Variants in BARX2 observed in about 807,000 individuals in gnomAD.
BARX2 encodes homeobox protein BarH-like 2.
A neutral mutation model predicts 25.5 loss-of-function variants in BARX2; 11 were observed. The ratio of observed to expected loss-of-function variants is 0.43; its 90% CI spans 0.27 to 0.71. The LOEUF is 0.71. Ranked by LOEUF, BARX2 falls within the 30% of genes least tolerant of loss-of-function variation. The probability of loss-of-function intolerance (pLI) is 0.19; values close to 1 mark genes in which losing one functional copy is unlikely to be tolerated. For missense variants in BARX2, 360 were observed against 359.9 expected (o/e 1.00, Z 0.00); for synonymous variants, 137 against 149.5 (o/e 0.92, Z 0.61).
Position 129,376,212 on chromosome 11 carries a change from T to C in BARX2, c.177T>C (p.His59=). The C allele has an allele frequency of 2.5e-6, 4 of 1,605,210 alleles. No homozygotes were observed. Among genetic ancestry groups the C allele is most frequent in the African/African-American group, 1.3e-5 (1 of 74,260 alleles). ...TGGTCGTGCGACCCAAGCCCCTGCA[T>C]TCCTGTACGGGTAAGACGCTCCGCT... ...PSLVVRPKPL[H]SCTGSPSLRA... The change falls in exon 1 of 4, where the codon CAT becomes CAC. Residue 59 remains histidine (H), a synonymous_variant. Coordinates refer to ENST00000281437, the MANE Select transcript of BARX2 (RefSeq NM_003658.5). This position sits in a 1 kb window ranked among gnomAD's most constrained non-coding sequence, Gnocchi z 4.2.
intron 1 of BARX2, among the ~76,000 whole-genome samples, chr11:129,392,299 G>GT (rs1397562277): frequency 6.6e-6 from 1 of 152,222 alleles, no homozygotes; most frequent in African/African-American, 2.4e-5. Context: ...GCAACTTCCT[G>GT]TGCACTGTCG....
chr11:129,439,628 G>A (rs1862233470), intron 2 of BARX2, among the ~76,000 whole-genome samples: 1 of 152,196 alleles, frequency 6.6e-6, no homozygotes. Context: ...GAAGACAGAG[G>A]ACAGAGTAGA....
intron 3 of BARX2, among the ~76,000 whole-genome samples, chr11:129,447,655 A>G (rs1862346520): frequency 6.6e-6 from 1 of 152,040 alleles, no homozygotes; most frequent in South Asian, 2.1e-4. Context: ...CCATTTAGAA[A>G]ATGGTCTAAT....
At chr11:129,442,797 A>G in intron 2 of BARX2, 38 bp from the exon 3 acceptor site, 1 of 1,565,670 alleles carries the variant, frequency 6.4e-7, no homozygotes. Flanking sequence ...GCTGCCTCCC[A>G]TTCTGCTCAC....
intron 1 of BARX2, among the ~76,000 whole-genome samples, chr11:129,419,557 G>A (rs1279651863): frequency 6.6e-6 from 1 of 152,164 alleles, no homozygotes; most frequent in Non-Finnish European, 1.5e-5. Flanking sequence ...ACCTCATCAT[G>A]GGATAGTTTC....
intron 1 of BARX2, among the ~76,000 whole-genome samples, chr11:129,413,196 T>C (rs1396494276): frequency 6.6e-6 from 1 of 152,250 alleles, no homozygotes; most frequent in Non-Finnish European, 1.5e-5. Flanking sequence ...ATTCTCGTAA[T>C]ATATTTTTGA....
chr11:129,433,844 T>C (rs2135410177), intron 1 of BARX2, among the ~76,000 whole-genome samples: 1 of 152,338 alleles, frequency 6.6e-6, no homozygotes, highest in South Asian at 2.1e-4. Context: ...ACATATTTAC[T>C]TGTTTATTTG....
intron 1 of BARX2, among the ~76,000 whole-genome samples, chr11:129,418,261 C>T (rs760322052): frequency 5.9e-5 from 9 of 152,178 alleles, no homozygotes; most frequent in Non-Finnish European, 1.3e-4. Context: ...AAGGAAATGG[C>T]TCATGGAAAA....
intron 1 of BARX2, among the ~76,000 whole-genome samples, chr11:129,396,089 G>A (rs1321123584): frequency 2.6e-5 from 4 of 152,086 alleles, no homozygotes; most frequent in African/African-American, 7.2e-5. Flanking sequence ...CGGTAGCACC[G>A]GCTTATTTAA....
intron 1 of BARX2, among the ~76,000 whole-genome samples, chr11:129,398,350 A>G (rs1419874956): frequency 2.0e-5 from 3 of 152,292 alleles, no homozygotes; most frequent in Middle Eastern, 3.4e-3. Context: ...GTTTACTTCT[A>G]GTTTTGTAAT....
At chr11:129,437,284 C>G (rs995768564) in intron 2 of BARX2, 11 of 559,774 alleles carry the variant, frequency 2.0e-5, no homozygotes, top group Non-Finnish European at 3.0e-5. Context: ...CACTTTATCT[C>G]CATATTTGAA....
intron 3 of BARX2, among the ~76,000 whole-genome samples, chr11:129,449,380 T>C (rs967570706): frequency 4.6e-5 from 7 of 151,526 alleles, no homozygotes; most frequent in Non-Finnish European, 8.8e-5. Context: ...GCAGGGTTTG[T>C]CTTCAAGGAG....
chr11:129,405,230 C>T (rs1243607051), intron 1 of BARX2, among the ~76,000 whole-genome samples: 1 of 152,100 alleles, frequency 6.6e-6, no homozygotes, highest in Non-Finnish European at 1.5e-5. Context: ...CTTAATGTGC[C>T]AAGAGTAGGC....
intron 1 of BARX2, among the ~76,000 whole-genome samples, chr11:129,411,840 C>G (rs1037610884): frequency 6.6e-6 from 1 of 152,162 alleles, no homozygotes. Context: ...CAGCTGGGAT[C>G]GAGACTCATA....
chr11:129,392,510 A>G (rs1937787308), intron 1 of BARX2, among the ~76,000 whole-genome samples: 1 of 152,242 alleles, frequency 6.6e-6, no homozygotes, highest in Non-Finnish European at 1.5e-5. Flanking sequence ...ATGTTGAAAA[A>G]ACAATAATAA....
At chr11:129,434,421 TAAAAAAAAAAAA>T (rs56344103) in intron 1 of BARX2, among the ~76,000 whole-genome samples, 2 of 76,380 alleles carry the variant, frequency 2.6e-5, no homozygotes, top group Non-Finnish European at 2.4e-5. Context: ...AAAAAGTAAG[TAAAAAAAAAAAA>T]AAAAAAAAAA....
chr11:129,402,926 T>G (rs1861792497), intron 1 of BARX2, among the ~76,000 whole-genome samples: 1 of 152,228 alleles, frequency 6.6e-6, no homozygotes, highest in African/African-American at 2.4e-5. Flanking sequence ...AGGAAGTGAT[T>G]CAGGCCAAGT....
At chr11:129,387,845 G>A (rs1456475989) in intron 1 of BARX2, among the ~76,000 whole-genome samples, 1 of 152,136 alleles carries the variant, frequency 6.6e-6, no homozygotes, top group African/African-American at 2.4e-5. Flanking sequence ...CCACGTGCCC[G>A]GCACTGTGCT....
chr11:129,446,633 A>G (rs1862332977), intron 3 of BARX2, among the ~76,000 whole-genome samples: 1 of 152,214 alleles, frequency 6.6e-6, no homozygotes, highest in African/African-American at 2.4e-5. Context: ...GCCAGGATAC[A>G]TAAGCCAAAA....
Sources: allele counts gnomAD v4.1 joint callset (sites outside exome capture counted in the v4.1 genomes callset), GRCh38; gene constraint gnomAD v4.1.1; non-coding constraint Gnocchi (gnomAD v3.1); transcripts MANE v1.5; gene names NCBI Gene and HGNC (gene_info 2026-07-23, HGNC 2026-07-21).